The following ST18 variants were observed in gnomAD, a reference collection of about 807,000 sequenced individuals.
ST18 encodes the protein suppression of tumorigenicity 18 protein.
In ST18, 50 loss-of-function variants were observed where a neutral mutation model predicts 110.0. The ratio of observed to expected loss-of-function variants is 0.45; its 90% CI spans 0.36 to 0.58. ST18 has a LOEUF of 0.58. ST18 is among the 20% of genes least tolerant of loss of function. The pLI is 0.00. For synonymous variants in ST18, 461 were observed against 452.4 expected (o/e 1.02, Z -0.24); for missense variants, 1,306 against 1,280.1 (o/e 1.02, Z -0.31).
At chr8:52,350,415 C>G (rs1173872741) in intron 2 of ST18, among the ~76,000 whole-genome samples, 1 of 152,116 alleles carries the variant, frequency 6.6e-6, no homozygotes, top group East Asian at 1.9e-4. Context: ...CTGATTTAGA[C>G]AGCAGAGACA....
chr8:52,163,812 C>T (rs148410710), intron 13 of ST18, among the ~76,000 whole-genome samples, 174 bp downstream of exon 13: 40 of 152,206 alleles, frequency 2.6e-4, no homozygotes, highest in African/African-American at 7.0e-4. Context: ...ATTTCAGCAA[C>T]GATGTCATTA....
At chr8:52,384,608 C>G (rs1299251552) in intron 2 of ST18, among the ~76,000 whole-genome samples, 1 of 152,148 alleles carries the variant, frequency 6.6e-6, no homozygotes, top group Non-Finnish European at 1.5e-5. Context: ...TAATTCAACT[C>G]TCTCACCAAT....
At position 52,112,220 on chromosome 8, in the gene ST18, T is replaced by C. The variant is rs1423906271; in HGVS notation, c.*978A>G. The C allele has an allele frequency of 6.6e-6, 1 of 152,558 alleles. No homozygotes were observed. Among genetic ancestry groups the C allele is most frequent in the Non-Finnish European group, 1.5e-5 (1 of 68,020 alleles). 9.5% of individuals were successfully genotyped at this position (152,558 alleles called of 1,614,324 possible). Reference sequence around the variant, plus strand: ...TTCAGGGGATATGGTATCTACAAAATTTTTCATTTGGATGTGTTTGTATTT... The same window carrying C: ...TTCAGGGGATATGGTATCTACAAAACTTTTCATTTGGATGTGTTTGTATTT... On this transcript the variant is annotated 3_prime_UTR_variant, in exon 26 of 26. Coordinates refer to ENST00000689386, the MANE Select transcript of ST18 (RefSeq NM_001352837.2).
At chr8:52,367,115 C>T (rs1002689977) in intron 2 of ST18, among the ~76,000 whole-genome samples, 3 of 152,048 alleles carry the variant, frequency 2.0e-5, no homozygotes, top group South Asian at 4.2e-4. Flanking sequence ...GCCGGTAATC[C>T]CAGCAGCTCG....
At chr8:52,370,045 G>T (rs1336444588) in intron 2 of ST18, among the ~76,000 whole-genome samples, 1 of 152,186 alleles carries the variant, frequency 6.6e-6, no homozygotes, top group Admixed American at 6.5e-5. Flanking sequence ...TCACAGACAT[G>T]CATGTGCACA....
intron 8 of ST18, among the ~76,000 whole-genome samples, chr8:52,181,794 T>C (rs1269494822): frequency 6.6e-6 from 1 of 152,058 alleles, no homozygotes; most frequent in African/African-American, 2.4e-5. Context: ...GTCCACACCG[T>C]AGATTATGAT....
intron 2 of ST18, among the ~76,000 whole-genome samples, chr8:52,332,206 C>G: frequency 6.6e-6 from 1 of 152,024 alleles, no homozygotes. Flanking sequence ...AATCAAATTA[C>G]TATTTTGGAT....
chr8:52,297,398 T>C (rs1589707273), intron 2 of ST18, among the ~76,000 whole-genome samples: 1 of 152,264 alleles, frequency 6.6e-6, no homozygotes, highest in Non-Finnish European at 1.5e-5. Flanking sequence ...TATGGTACAA[T>C]CTTTTTTTAA....
At chr8:52,122,206 A>G (rs1237399922) in intron 23 of ST18, among the ~76,000 whole-genome samples, 1 of 152,152 alleles carries the variant, frequency 6.6e-6, no homozygotes, top group Non-Finnish European at 1.5e-5. Flanking sequence ...ATTTATGTAA[A>G]AGCAATAGAT....
At chr8:52,398,981 C>G (rs917757999) in intron 2 of ST18, among the ~76,000 whole-genome samples, 1 of 151,818 alleles carries the variant, frequency 6.6e-6, no homozygotes, top group South Asian at 2.1e-4. Flanking sequence ...TTGTCTGTAT[C>G]TCTATTTTTG....
At chr8:52,270,341 G>A (rs1002656954) in intron 2 of ST18, among the ~76,000 whole-genome samples, 51 of 152,220 alleles carry the variant, frequency 3.4e-4, no homozygotes, top group African/African-American at 1.2e-3. Flanking sequence ...CCCCCGCTGT[G>A]CTCCAGGGGC....
intron 2 of ST18, among the ~76,000 whole-genome samples, chr8:52,290,060 T>G (rs907531988): frequency 1.3e-5 from 2 of 152,170 alleles, no homozygotes; most frequent in African/African-American, 4.8e-5. Context: ...TCGACTCTTA[T>G]GGTACACCTG....
At chr8:52,317,963 G>A (rs1490975923) in intron 2 of ST18, among the ~76,000 whole-genome samples, 1 of 152,068 alleles carries the variant, frequency 6.6e-6, no homozygotes, top group African/African-American at 2.4e-5. Flanking sequence ...TCAGAACATA[G>A]GCACAGGCAA....
chr8:52,111,270 T>C lies in ST18; in HGVS notation c.*1928A>G, dbSNP rs1376327616. On this transcript the variant is annotated 3_prime_UTR_variant, in exon 26 of 26. Coordinates refer to ENST00000689386, the MANE Select transcript of ST18 (RefSeq NM_001352837.2). ...TTAGCAAATTAAACGTTTGTCTTTG[T>C]AATAAGTGAGCTCATTTGTATGCAT... 6.6e-6 allele frequency: 2 copies of C among 302,630 alleles called. No individual in the cohort carries two copies. Among genetic ancestry groups the C allele is most frequent in the Middle Eastern group, 9.0e-4 (1 of 1,108 alleles). The allele number at this position is 302,630 out of a possible 1,614,324, so 18.7% of individuals were successfully genotyped here.
At position 52,261,030 on chromosome 8, in the gene ST18, A is replaced by G. The variant is rs569155317; in HGVS notation, c.-464-30953T>C. On this transcript the variant is annotated intron_variant, in intron 2 of 25. Transcript: ENST00000689386. ...GAGCAAAAGAGGAAGGATGGTTTCA[A>G]AATGGCCCAAGCAAAACCAACAAGC... Among the ~76,000 whole-genome samples the G allele has an allele frequency of 2.5e-4, 38 of 152,340 alleles. 1 individual carries two copies. Among genetic ancestry groups the G allele is most frequent in the African/African-American group, 6.5e-4 (27 of 41,584 alleles).
intron 2 of ST18, among the ~76,000 whole-genome samples, chr8:52,401,288 AATATG>A (rs1299338261): frequency 7.9e-5 from 12 of 152,156 alleles, no homozygotes; most frequent in Non-Finnish European, 1.6e-4. Context: ...TTTTTATTGT[AATATG>A]ACTTGGTGGG....
At chr8:52,238,388 A>G (rs2092974340) in intron 2 of ST18, among the ~76,000 whole-genome samples, 2 of 152,206 alleles carry the variant, frequency 1.3e-5, no homozygotes, top group South Asian at 4.1e-4. Context: ...ATAAAAAGGA[A>G]TGAAGTATTA....
chr8:52,322,836 A>G (rs973381189), intron 2 of ST18, among the ~76,000 whole-genome samples: 4 of 152,262 alleles, frequency 2.6e-5, no homozygotes, highest in African/African-American at 9.6e-5. Flanking sequence ...ACCACACTCA[A>G]GAGTTCACTT....
At chr8:52,129,137 G>A (rs1490493479) in intron 22 of ST18, among the ~76,000 whole-genome samples, 2 of 152,116 alleles carry the variant, frequency 1.3e-5, no homozygotes, top group Non-Finnish European at 2.9e-5. Flanking sequence ...CTGCGTGCCA[G>A]GCATAAGCGA....
Sources: allele counts gnomAD v4.1 joint callset (sites outside exome capture counted in the v4.1 genomes callset), GRCh38; gene constraint gnomAD v4.1.1; transcripts MANE v1.5; gene names NCBI Gene and HGNC (gene_info 2026-07-23, HGNC 2026-07-21).